SCMH1: variants seen among roughly 807,000 people sequenced by gnomAD.
SCMH1 encodes the protein polycomb protein SCMH1.
A neutral mutation model predicts 70.8 loss-of-function variants in SCMH1; 37 were observed. The ratio of observed to expected loss-of-function variants is 0.52; its 90% CI spans 0.40 to 0.69. The LOEUF (loss-of-function observed/expected upper bound fraction) is 0.69. SCMH1 is among the 30% of genes least tolerant of loss of function. The probability of loss-of-function intolerance (pLI) is 0.00; values close to 1 mark genes in which losing one functional copy is unlikely to be tolerated. For synonymous variants in SCMH1, 292 were observed against 307.4 expected, an observed-to-expected ratio of 0.95 and a Z score of 0.52; for missense variants, 607 against 827.3, an observed-to-expected ratio of 0.73 and a Z score of 3.27.
intron 8 of SCMH1, among the ~76,000 whole-genome samples, chr1:41,106,582 T>C (rs2147777993): frequency 6.6e-6 from 1 of 152,060 alleles, no homozygotes; most frequent in Middle Eastern, 3.4e-3. Context: ...AAGGTAAAAA[T>C]CCAGATCCTT....
chr1:41,143,046 T>C lies in SCMH1; in HGVS notation c.244A>G (p.Thr82Ala), dbSNP rs770013101. 2.4e-5 allele frequency: 39 copies of C among 1,614,052 alleles called. No individual in the cohort carries two copies. In the South Asian group the frequency reaches 4.2e-4, roughly 17 times the overall value. The stretch of plus-strand genomic sequence containing the variant: ...ACTGTGGCAATACAGGTGGATGTGG[T>C]GTTCCTGGGGTCCTGTGCTTCCAAT... Residue 82 changes from threonine (T) to alanine (A), a missense_variant, in exon 6 of 15, where the codon ACC (threonine) becomes GCC (alanine). Thr to Ala is a moderately conservative substitution (Grantham distance 58). Transcript: ENST00000337495.
At chr1:41,124,429 T>C (rs2147993280) in intron 6 of SCMH1, among the ~76,000 whole-genome samples, 1 of 152,282 alleles carries the variant, frequency 6.6e-6, no homozygotes, top group African/African-American at 2.4e-5. Flanking sequence ...TCATGTTTCT[T>C]CAGTCTCCTT....
intron 2 of SCMH1, among the ~76,000 whole-genome samples, chr1:41,181,034 A>T (rs958527873): frequency 1.4e-4 from 21 of 152,228 alleles, no homozygotes; most frequent in Admixed American, 2.6e-4. Context: ...AGCCCTCAGA[A>T]ATAACGCCGC....
At chr1:41,048,888 A>G (rs752161618) in exon 11 of SCMH1, 8 of 1,609,636 alleles carry the variant, frequency 5.0e-6, no homozygotes, top group Non-Finnish European at 1.7e-6. Flanking sequence ...AAGTAGATAC[A>G]AACTATGGGA....
At position 41,113,635 on chromosome 1, in the gene SCMH1, T is replaced by A. The variant is rs1248230385; in HGVS notation, c.502-109A>T. 1 of 1,124,382 alleles carries A rather than the reference T, an allele frequency of 8.9e-7. No homozygotes were observed. The highest frequency in any genetic ancestry group is 2.6e-5 in the East Asian group (1 of 38,860). The allele number at this position is 1,124,382 out of a possible 1,614,324, so 69.7% of individuals were successfully genotyped here. On this transcript the variant is annotated intron_variant, in intron 7 of 14. Transcript: ENST00000337495. This position sits in a 1 kb window ranked among gnomAD's most constrained non-coding sequence, Gnocchi z 4.3. ...AAAAGTGACTGCTACATGAGACTTATAATGGATATATAGCCTTTCTTTTAA... is the reference window on the plus strand; with the variant it reads ...AAAAGTGACTGCTACATGAGACTTAAAATGGATATATAGCCTTTCTTTTAA...
At chr1:41,103,402 A>G (rs1344548871) in intron 8 of SCMH1, among the ~76,000 whole-genome samples, 3 of 152,150 alleles carry the variant, frequency 2.0e-5, no homozygotes, top group Non-Finnish European at 4.4e-5. Flanking sequence ...TTGGCCTCCC[A>G]AAGTGCTGGG....
intron 1 of SCMH1, among the ~76,000 whole-genome samples, chr1:41,223,849 G>A (rs910102598): frequency 6.6e-6 from 1 of 152,118 alleles, no homozygotes; most frequent in Non-Finnish European, 1.5e-5. Flanking sequence ...GGCTATCAAA[G>A]TGGTTTTCCT....
intron 8 of SCMH1, among the ~76,000 whole-genome samples, chr1:41,099,755 G>A (rs538686026): frequency 2.6e-5 from 4 of 152,252 alleles, no homozygotes; most frequent in South Asian, 2.1e-4. Context: ...TTCTGAGCCC[G>A]TTTCCTTATG....
chr1:41,060,754 C>T (rs12722762), intron 10 of SCMH1, among the ~76,000 whole-genome samples: 16,533 of 152,168 alleles, frequency 0.11, 1,279 homozygotes, highest in East Asian at 0.28. Context: ...AAGTGATCCT[C>T]CTGCCTCAGC....
chr1:41,050,788 C>T (rs1647824524), intron 10 of SCMH1, among the ~76,000 whole-genome samples: 1 of 152,232 alleles, frequency 6.6e-6, no homozygotes, highest in South Asian at 2.1e-4. Context: ...GTGATGAGAA[C>T]CACGCTCTCA....
At chr1:41,191,433 C>T (rs1347557821) in intron 1 of SCMH1, among the ~76,000 whole-genome samples, 10 of 152,152 alleles carry the variant, frequency 6.6e-5, no homozygotes, top group African/African-American at 2.4e-4. Flanking sequence ...GTCCAAGGTT[C>T]ACTGCAAAGT....
At chr1:41,065,926 C>T (rs1165044902) in intron 10 of SCMH1, among the ~76,000 whole-genome samples, 1 of 152,140 alleles carries the variant, frequency 6.6e-6, no homozygotes, top group Non-Finnish European at 1.5e-5. Context: ...AGATAAGCCC[C>T]AGCAGAACCT....
chr1:41,128,647 T>C (rs919817348), intron 6 of SCMH1, among the ~76,000 whole-genome samples: 3 of 152,176 alleles, frequency 2.0e-5, no homozygotes, highest in Non-Finnish European at 4.4e-5. Context: ...TATTTCATAT[T>C]TCTCCTGCTT....
intron 6 of SCMH1, among the ~76,000 whole-genome samples, chr1:41,127,367 G>A (rs536092554): frequency 7.2e-5 from 11 of 151,838 alleles, no homozygotes; most frequent in South Asian, 4.2e-4. Context: ...CAAATTTGTC[G>A]GTCTATCTAG....
intron 12 of SCMH1, 118 bp from the exon 13 acceptor site, chr1:41,037,659 G>T (rs1344833737): frequency 2.4e-6 from 2 of 834,218 alleles, no homozygotes; most frequent in Non-Finnish European, 1.9e-6. Flanking sequence ...CAGGGACTCA[G>T]GAGGCCTGTG....
intron 5 of SCMH1, among the ~76,000 whole-genome samples, chr1:41,149,417 A>G (rs926194918): frequency 6.6e-5 from 10 of 152,158 alleles, no homozygotes; most frequent in Non-Finnish European, 1.5e-4. Flanking sequence ...TAAAATAATT[A>G]TTTTAATGTG....
At chr1:41,179,236 G>T (rs922145872) in intron 2 of SCMH1, among the ~76,000 whole-genome samples, 2 of 152,078 alleles carry the variant, frequency 1.3e-5, no homozygotes, top group Non-Finnish European at 1.5e-5. Context: ...ATTCAAAGCA[G>T]TGTGTAGAGG....
intron 10 of SCMH1, among the ~76,000 whole-genome samples, chr1:41,057,918 C>T (rs938963983): frequency 7.9e-5 from 12 of 151,908 alleles, no homozygotes; most frequent in African/African-American, 2.9e-4. Flanking sequence ...CTCAAGAGTT[C>T]AATATCAGCC....
intron 3 of SCMH1, 90 bp from the exon 4 acceptor site, chr1:41,160,988 C>A (rs577842474): frequency 7.9e-7 from 1 of 1,269,412 alleles, no homozygotes; most frequent in Non-Finnish European, 1.1e-6. Context: ...AATAGGAAAT[C>A]GAGTATTTGT....
Sources: allele counts gnomAD v4.1 joint callset (sites outside exome capture counted in the v4.1 genomes callset), GRCh38; gene constraint gnomAD v4.1.1; non-coding constraint Gnocchi (gnomAD v3.1); transcripts MANE v1.5; gene names NCBI Gene and HGNC (gene_info 2026-07-23, HGNC 2026-07-21).